TMEM108: variants seen among roughly 807,000 people sequenced by gnomAD.
TMEM108 encodes transmembrane protein 108.
Under a neutral mutation model 35.1 loss-of-function variants are expected in TMEM108, and 12 were observed. That is an observed-to-expected ratio of 0.34 (90% CI 0.22 to 0.55). The LOEUF (loss-of-function observed/expected upper bound fraction) is 0.55, where lower values mean the gene tolerates loss of function less well. TMEM108 is among the 20% of genes least tolerant of loss of function. The probability of loss-of-function intolerance (pLI) is 0.89; values close to 1 mark genes in which losing one functional copy is unlikely to be tolerated. For missense variants in TMEM108, 680 were observed against 753.3 expected, an observed-to-expected ratio of 0.90 and a Z score of 1.14; for synonymous variants, 287 against 308.6, an observed-to-expected ratio of 0.93 and a Z score of 0.73.
rs148847077 is a variant in TMEM108 at position 133,256,106 on chromosome 3, G to T, written c.40+26755G>T. Reference sequence around the variant, plus strand: ...CCAGAGGAAAATGTTCCTTATAAAGGAATAATATTTAAACTGATGGTTGAC... The same window carrying T: ...CCAGAGGAAAATGTTCCTTATAAAGTAATAATATTTAAACTGATGGTTGAC... On this transcript the variant is annotated intron_variant, in intron 3 of 5. Transcript: ENST00000321871. Among the ~76,000 whole-genome samples the T allele has an allele frequency of 2.7e-3, 410 of 152,234 alleles. 4 individuals are homozygous for T. The highest frequency in any genetic ancestry group is 9.4e-3 in the African/African-American group (390 of 41,552).
In TMEM108 at chr3:133,154,889, T is replaced by C. The variant is rs186785116; in HGVS notation, c.-46-74377T>C. Among the ~76,000 whole-genome samples, 891 of 152,250 alleles carry C rather than the reference T, an allele frequency of 5.9e-3. 5 individuals carry two copies. Among genetic ancestry groups the C allele is most frequent in the Non-Finnish European group, 0.011 (716 of 67,994 alleles). On this transcript the variant is annotated intron_variant, in intron 2 of 5. Coordinates refer to ENST00000321871, the MANE Select transcript of TMEM108 (RefSeq NM_023943.4). Reference sequence around the variant, plus strand: ...TAATTAAAAAAAATTATTTTAACTTTCATTTTAGGTTTGGAGGTACATGTG... The same window carrying C: ...TAATTAAAAAAAATTATTTTAACTTCCATTTTAGGTTTGGAGGTACATGTG...
intron 2 of TMEM108, among the ~76,000 whole-genome samples, chr3:133,070,401 G>T (rs74524627): frequency 0.028 from 4,195 of 152,180 alleles, 102 homozygotes; most frequent in South Asian, 0.061. Context: ...CAGGGCTGTG[G>T]TGTACCTGCT....
chr3:133,200,969 C>T (rs1436867109), intron 2 of TMEM108, among the ~76,000 whole-genome samples: 3 of 152,136 alleles, frequency 2.0e-5, no homozygotes, highest in Non-Finnish European at 4.4e-5. Context: ...ACAGAAAATT[C>T]GCTTGGACAG....
chr3:133,252,931 A>G (rs1946492227), intron 3 of TMEM108, among the ~76,000 whole-genome samples: 1 of 152,222 alleles, frequency 6.6e-6, no homozygotes, highest in Non-Finnish European at 1.5e-5. Context: ...AGACTTGAGC[A>G]TTCATAAATT....
intron 2 of TMEM108, among the ~76,000 whole-genome samples, chr3:133,116,732 G>A (rs987912910): frequency 3.3e-5 from 5 of 152,142 alleles, no homozygotes; most frequent in Non-Finnish European, 7.4e-5. Flanking sequence ...CAGTGTACCA[G>A]TGCATTCAAA....
chr3:133,082,419 A>T (rs1427599332), intron 2 of TMEM108, among the ~76,000 whole-genome samples: 1 of 152,190 alleles, frequency 6.6e-6, no homozygotes, highest in Admixed American at 6.5e-5. Flanking sequence ...TACTTCTGCC[A>T]TAACGTCCTT....
intron 2 of TMEM108, among the ~76,000 whole-genome samples, chr3:133,195,420 A>C (rs115881124): frequency 0.017 from 2,631 of 152,100 alleles, 99 homozygotes; most frequent in African/African-American, 0.059. Context: ...CCTTTCCACC[A>C]TTCATGGTTC....
intron 2 of TMEM108, among the ~76,000 whole-genome samples, chr3:133,203,190 G>A (rs1206913084): frequency 1.3e-5 from 2 of 152,166 alleles, no homozygotes; most frequent in African/African-American, 4.8e-5. Context: ...AGGAGATTTT[G>A]GGCTGAGACG....
chr3:133,237,901 A>G (rs372244594), intron 3 of TMEM108, among the ~76,000 whole-genome samples: 1 of 152,202 alleles, frequency 6.6e-6, no homozygotes, highest in Non-Finnish European at 1.5e-5. Flanking sequence ...AGTAAATACC[A>G]ATAGATATAA....
At chr3:133,268,596 T>G (rs4854707) in intron 3 of TMEM108, among the ~76,000 whole-genome samples, 48,742 of 152,152 alleles carry the variant, frequency 0.32, 8,531 homozygotes, top group East Asian at 0.48. Flanking sequence ...GCTTTGGGCA[T>G]TCACAGCATC....
chr3:133,097,951 A>G (rs967847748), intron 2 of TMEM108, among the ~76,000 whole-genome samples: 1 of 152,188 alleles, frequency 6.6e-6, no homozygotes, highest in Non-Finnish European at 1.5e-5. Flanking sequence ...GGCCTAGTAA[A>G]TCAAGGAAAG....
intron 3 of TMEM108, among the ~76,000 whole-genome samples, chr3:133,340,966 G>A (rs1288649581): frequency 6.6e-6 from 1 of 151,668 alleles, no homozygotes; most frequent in Non-Finnish European, 1.5e-5. Context: ...ATACTGAATG[G>A]GGAAAAACTA....
At chr3:133,385,471 G>GC (rs965822368) in intron 4 of TMEM108, among the ~76,000 whole-genome samples, 1 of 152,066 alleles carries the variant, frequency 6.6e-6, no homozygotes, top group Non-Finnish European at 1.5e-5. Context: ...CAGACACTAA[G>GC]CCCCCCAGCC....
intron 3 of TMEM108, among the ~76,000 whole-genome samples, chr3:133,285,963 G>A (rs374131432): frequency 5.9e-5 from 9 of 152,278 alleles, no homozygotes; most frequent in Admixed American, 3.3e-4. Context: ...ATGAACTTAC[G>A]AAGCTATCTT....
At chr3:133,225,630 A>G (rs180875634) in intron 2 of TMEM108, among the ~76,000 whole-genome samples, 1 of 152,318 alleles carries the variant, frequency 6.6e-6, no homozygotes, top group Admixed American at 6.5e-5. Context: ...AATTCTGACT[A>G]TAATCCCAAT....
chr3:133,137,988 A>G (rs965845304), intron 2 of TMEM108, among the ~76,000 whole-genome samples: 4 of 152,218 alleles, frequency 2.6e-5, no homozygotes, highest in African/African-American at 7.2e-5. Flanking sequence ...GAGAACATGA[A>G]TGGATAGCCT....
intron 3 of TMEM108, among the ~76,000 whole-genome samples, chr3:133,296,218 G>GA (rs1389007603): frequency 2.6e-5 from 4 of 151,996 alleles, no homozygotes; most frequent in Non-Finnish European, 5.9e-5. Flanking sequence ...ATCAAAGGCA[G>GA]GCAAAAAACA....
intron 5 of TMEM108, among the ~76,000 whole-genome samples, 177 bp from the exon 6 acceptor site, chr3:133,395,687 A>G (rs2073295390): frequency 6.6e-6 from 1 of 152,200 alleles, no homozygotes. Flanking sequence ...ACACACACAA[A>G]TTAATTAAAA....
chr3:133,222,479 CCTTT>C lies in TMEM108; in HGVS notation c.-46-6786_-46-6783del, dbSNP rs549284891. 7.7e-4 allele frequency among the ~76,000 whole-genome samples: 117 copies of C among 152,040 alleles called. 4 individuals carry two copies. The highest frequency in any genetic ancestry group is 7.6e-3 in the Admixed American group (116 of 15,276). ...ATTATTTATTTTTAAACTTTGTGTT[CCTTT>C]GTCTTTTTCTTAACCCTCCTATAAT... On this transcript the variant is annotated intron_variant, in intron 2 of 5. Transcript: ENST00000321871.
Sources: gnomAD v4.1 joint callset for allele counts (sites outside exome capture counted in the v4.1 genomes callset) on GRCh38, gnomAD v4.1.1 for gene constraint, MANE v1.5 for transcripts, NCBI Gene and HGNC (gene_info 2026-07-23, HGNC 2026-07-21) for gene names.